PRKD1: variants seen among roughly 807,000 people sequenced by gnomAD.
PRKD1 encodes the protein serine/threonine-protein kinase D1.
A neutral mutation model predicts 95.9 loss-of-function variants in PRKD1; 63 were observed. That is an observed-to-expected ratio of 0.66 (90% CI 0.54 to 0.81). PRKD1 has a LOEUF of 0.81. PRKD1 is among the 30% of genes least tolerant of loss of function. PRKD1 has a pLI of 0.00. For missense variants in PRKD1, 1,048 were observed against 1,165.3 expected, an observed-to-expected ratio of 0.90 and a Z score of 1.47; for synonymous variants, 425 against 423.1, an observed-to-expected ratio of 1.00 and a Z score of -0.05.
At chr14:29,729,084 T>A (rs1886311543) in intron 1 of PRKD1, among the ~76,000 whole-genome samples, 3 of 152,308 alleles carry the variant, frequency 2.0e-5, no homozygotes, top group Admixed American at 2.0e-4. Context: ...TGCTAATAAA[T>A]CCTTGCATAA....
At chr14:29,628,517 G>A (rs1191602) in intron 11 of PRKD1, among the ~76,000 whole-genome samples, 141,932 of 152,242 alleles carry the variant, frequency 0.93, 66,470 homozygotes, top group Non-Finnish European at 0.98. Flanking sequence ...GTTACGTGGC[G>A]CAGATGACTA....
chr14:29,647,009 T>G (rs181484828), intron 4 of PRKD1, among the ~76,000 whole-genome samples: 2 of 152,058 alleles, frequency 1.3e-5, no homozygotes, highest in African/African-American at 4.8e-5. Flanking sequence ...CTGTCAAATA[T>G]CCTAAATATA....
chr14:29,718,975 A>G (rs1234525006), intron 2 of PRKD1, among the ~76,000 whole-genome samples: 1 of 152,128 alleles, frequency 6.6e-6, no homozygotes, highest in Non-Finnish European at 1.5e-5. Flanking sequence ...ATTGCTAACC[A>G]ATGTATTATA....
At chr14:29,910,363 G>A (rs1469584285) in intron 1 of PRKD1, among the ~76,000 whole-genome samples, 5 of 152,050 alleles carry the variant, frequency 3.3e-5, no homozygotes, top group Non-Finnish European at 4.4e-5. Context: ...GAACACGTCC[G>A]AACATCAGAA....
At chr14:29,641,598 C>G (rs1437468947) in intron 4 of PRKD1, among the ~76,000 whole-genome samples, 1 of 152,134 alleles carries the variant, frequency 6.6e-6, no homozygotes, top group East Asian at 1.9e-4. Flanking sequence ...GGAGTGTATA[C>G]ACACACATTT....
At chr14:29,597,185 A>G (rs576533685) in intron 16 of PRKD1, among the ~76,000 whole-genome samples, 2 of 152,340 alleles carry the variant, frequency 1.3e-5, no homozygotes, top group South Asian at 4.1e-4. Flanking sequence ...CTAGGCACAT[A>G]TAAGTAAGCC....
intron 1 of PRKD1, among the ~76,000 whole-genome samples, chr14:29,880,301 C>T (rs1251982678): frequency 6.6e-6 from 1 of 152,172 alleles, no homozygotes; most frequent in Non-Finnish European, 1.5e-5. Flanking sequence ...CTGACAGTGG[C>T]CAATATAAAG....
chr14:29,778,480 C>A (rs1041053759), intron 1 of PRKD1, among the ~76,000 whole-genome samples: 1 of 152,130 alleles, frequency 6.6e-6, no homozygotes, highest in Non-Finnish European at 1.5e-5. Context: ...CACAGAAATA[C>A]AAACTACCAT....
intron 1 of PRKD1, among the ~76,000 whole-genome samples, chr14:29,891,757 C>T (rs1181298209): frequency 6.6e-6 from 1 of 151,834 alleles, no homozygotes; most frequent in African/African-American, 2.4e-5. Context: ...TTTTATCACT[C>T]ACAGAAAATA....
At chr14:29,773,203 G>A (rs1768795164) in intron 1 of PRKD1, among the ~76,000 whole-genome samples, 1 of 152,152 alleles carries the variant, frequency 6.6e-6, no homozygotes, top group Non-Finnish European at 1.5e-5. Context: ...ACTCATGCCT[G>A]TAATCCCAGC....
intron 2 of PRKD1, among the ~76,000 whole-genome samples, chr14:29,706,610 AG>A (rs1885104143): frequency 6.6e-6 from 1 of 152,198 alleles, no homozygotes; most frequent in African/African-American, 2.4e-5. Flanking sequence ...ATGTTGCACA[AG>A]GCACCAGGGA....
chr14:29,618,951 C>G (rs1879059095), intron 13 of PRKD1, among the ~76,000 whole-genome samples: 1 of 152,170 alleles, frequency 6.6e-6, no homozygotes, highest in Admixed American at 6.5e-5. Flanking sequence ...CATTTCAACC[C>G]ACATGGTCCC....
At position 29,577,017 on chromosome 14, in the gene PRKD1, G is replaced by C. The variant is rs1892576850; in HGVS notation, c.*221C>G. The C allele has an allele frequency of 2.6e-5, 15 of 578,984 alleles. No individual in the cohort carries two copies. The South Asian group carries it at 3.2e-4, about 12-fold the overall frequency. The allele number at this position is 578,984 out of a possible 1,614,324, so 35.9% of individuals were successfully genotyped here. On this transcript the variant is annotated 3_prime_UTR_variant, in exon 18 of 18. Transcript: ENST00000331968. ...AATCATTCACAATAACAAGTTTCGT[G>C]TTTCAGGGAACTTTTGTTAATACAA...
chr14:29,925,974 T>G (rs1044188038), intron 1 of PRKD1, among the ~76,000 whole-genome samples: 1 of 152,152 alleles, frequency 6.6e-6, no homozygotes, highest in Non-Finnish European at 1.5e-5. Flanking sequence ...TACATCAGCA[T>G]TAGACAAAAC....
chr14:29,662,615 T>C (rs1340803670), intron 4 of PRKD1, among the ~76,000 whole-genome samples: 3 of 152,090 alleles, frequency 2.0e-5, no homozygotes, highest in Non-Finnish European at 4.4e-5. Flanking sequence ...ATTAAAATAA[T>C]TCATTTCATT....
Position 29,927,402 on chromosome 14 carries a change from C to T in PRKD1, c.111G>A (p.Pro37=). The change falls in exon 1 of 18, where the codon CCG becomes CCA. Residue 37 remains proline, a synonymous_variant. Transcript: ENST00000331968. ...LVPGSGPGPA[P]FLAPVAAPVG... The stretch of plus-strand genomic sequence containing the variant: ...CCGGGGCCGCGACAGGAGCCAAGAA[C>T]GGCGCGGGCCCGGGCCCGGACCCTG... The T allele has an allele frequency of 2.6e-6, 4 of 1,523,680 alleles. No individual in the cohort carries two copies. The highest frequency in any genetic ancestry group is 3.5e-6 in the Non-Finnish European group (4 of 1,138,648). 94.4% of individuals were successfully genotyped at this position (1,523,680 alleles called of 1,614,324 possible).
In PRKD1 at chr14:29,763,011, T is replaced by C. The variant is rs1345243093; in HGVS notation, c.265-37337A>G. ...CACCCATCTCGGCCTCCCAAAGGGC[T>C]GGAATTACAGGCATGAGCCACTGCA... On this transcript the variant is annotated intron_variant, in intron 1 of 17. Coordinates refer to ENST00000331968, the MANE Select transcript of PRKD1 (RefSeq NM_002742.3). 3.3e-5 allele frequency among the ~76,000 whole-genome samples: 5 copies of C among 149,678 alleles called. No individual in the cohort carries two copies. The East Asian group carries it at 1.0e-3, about 30-fold the overall frequency.
intron 1 of PRKD1, among the ~76,000 whole-genome samples, chr14:29,788,697 G>A (rs930777566): frequency 1.3e-5 from 2 of 151,792 alleles, no homozygotes; most frequent in Non-Finnish European, 2.9e-5. Context: ...GTCTATTGTT[G>A]AAGCTCTGAA....
intron 2 of PRKD1, among the ~76,000 whole-genome samples, chr14:29,684,959 G>C (rs1393580588): frequency 6.6e-6 from 1 of 152,192 alleles, no homozygotes; most frequent in Non-Finnish European, 1.5e-5. Flanking sequence ...TTTATAGGGA[G>C]TATTCTACAA....
Sources: gnomAD v4.1 joint callset for allele counts (sites outside exome capture counted in the v4.1 genomes callset) on GRCh38, gnomAD v4.1.1 for gene constraint, MANE v1.5 for transcripts, NCBI Gene and HGNC (gene_info 2026-07-23, HGNC 2026-07-21) for gene names.